Variants in FGF13 observed in about 807,000 individuals in gnomAD.
FGF13 encodes the protein fibroblast growth factor homologous factor 2.
FGF13 carries 2 observed loss-of-function variants against 19.5 expected under a neutral mutation model. The ratio of observed to expected loss-of-function variants is 0.10; its 90% CI spans 0.04 to 0.32. The LOEUF (loss-of-function observed/expected upper bound fraction) is 0.32, where lower values mean the gene tolerates loss of function less well. FGF13 is among the 10% of genes least tolerant of loss of function. The probability of loss-of-function intolerance (pLI) is 1.00; values close to 1 mark genes in which losing one functional copy is unlikely to be tolerated. For missense variants in FGF13, 113 were observed against 192.7 expected (o/e 0.59, Z 2.45); for synonymous variants, 72 against 76.9 (o/e 0.94, Z 0.33).
intron 1 of FGF13, among the ~76,000 whole-genome samples, chrX:139,061,949 CTTA>C (rs35979757): frequency 0.15 from 16,463 of 110,547 alleles, 1,048 homozygotes; most frequent in African/African-American, 0.24. Flanking sequence ...CTCTGAGCTC[CTTA>C]TATATTTTGA....
intron 4 of FGF13, among the ~76,000 whole-genome samples, chrX:138,635,014 T>A (rs760055235): frequency 7.2e-5 from 8 of 110,425 alleles, no homozygotes; most frequent in Non-Finnish European, 1.3e-4. Flanking sequence ...AATCAACGAG[T>A]GGATAAAAAA....
intron 3 of FGF13, among the ~76,000 whole-genome samples, chrX:138,831,792 T>C (rs904671146): frequency 9.0e-6 from 1 of 111,301 alleles, no homozygotes; most frequent in African/African-American, 3.3e-5. Flanking sequence ...CTAAGCCAAG[T>C]ACCCATTAGT....
chrX:139,107,937 T>G (rs2083571502), intron 1 of FGF13, among the ~76,000 whole-genome samples: 1 of 111,210 alleles, frequency 9.0e-6, no homozygotes, highest in South Asian at 3.8e-4. Flanking sequence ...ACTCCCTAGC[T>G]GTCCATATCA....
intron 3 of FGF13, among the ~76,000 whole-genome samples, chrX:138,684,913 A>C (rs2089764134): frequency 8.9e-6 from 1 of 111,912 alleles, no homozygotes. Flanking sequence ...AAACAATTCA[A>C]GAAAGGGAAT....
intron 1 of FGF13, among the ~76,000 whole-genome samples, chrX:138,971,416 A>G (rs1005224741): frequency 1.3e-3 from 145 of 112,286 alleles, no homozygotes; most frequent in African/African-American, 4.6e-3. Flanking sequence ...AATTGCACAT[A>G]TTTATGTAAA....
chrX:139,014,036 A>C (rs1002339332), intron 1 of FGF13, among the ~76,000 whole-genome samples: 1 of 111,393 alleles, frequency 9.0e-6, no homozygotes, highest in Non-Finnish European at 1.9e-5. Context: ...ATTAAGAAAA[A>C]ATTTAGAAAA....
chrX:139,039,482 G>T (rs774696238), intron 1 of FGF13, among the ~76,000 whole-genome samples: 1 of 111,713 alleles, frequency 9.0e-6, no homozygotes, highest in South Asian at 3.8e-4. Flanking sequence ...TTGTTCTTGG[G>T]AACAACAGCA....
At chrX:139,176,514 G>A (rs775716294) in intron 1 of FGF13, among the ~76,000 whole-genome samples, 4 of 109,770 alleles carry the variant, frequency 3.6e-5, no homozygotes, top group African/African-American at 1.3e-4. Context: ...ATGTTAGGGT[G>A]TCTATTTTAG....
At chrX:138,802,988 C>T (rs746594684) in intron 3 of FGF13, among the ~76,000 whole-genome samples, 2 of 111,491 alleles carry the variant, frequency 1.8e-5, no homozygotes, top group Non-Finnish European at 3.8e-5. Context: ...ATTAAGGAAC[C>T]AAGACTTGAA....
At chrX:139,079,018 T>C (rs2083351646) in intron 1 of FGF13, among the ~76,000 whole-genome samples, 1 of 112,621 alleles carries the variant, frequency 8.9e-6, no homozygotes, top group East Asian at 2.8e-4. Flanking sequence ...ATGTAGTAGC[T>C]GAATTCAAGC....
intron 3 of FGF13, among the ~76,000 whole-genome samples, chrX:138,747,931 G>C (rs762093705): frequency 6.3e-5 from 7 of 110,931 alleles, no homozygotes; most frequent in Non-Finnish European, 1.1e-4. Flanking sequence ...GACCTGGAGA[G>C]AATGGAGCTT....
chrX:139,065,763 C>T (rs757864629), intron 1 of FGF13, among the ~76,000 whole-genome samples: 13 of 111,054 alleles, frequency 1.2e-4, no homozygotes, highest in South Asian at 3.8e-4. Context: ...GACAGATCAA[C>T]GAGACAGAAA....
In FGF13 at chrX:138,632,832, T is replaced by G; in HGVS notation, c.*18A>C. Reference sequence around the variant, plus strand: ...GAGGTAAGGTTCTGTTACAGAGCCCTTCTTTTGCCCTCACTGGCTACGTTG... The same window carrying G: ...GAGGTAAGGTTCTGTTACAGAGCCCGTCTTTTGCCCTCACTGGCTACGTTG... On this transcript the variant is annotated 3_prime_UTR_variant, in exon 5 of 5. Coordinates refer to ENST00000315930, the MANE Select transcript of FGF13 (RefSeq NM_004114.5). The G allele has an allele frequency of 8.3e-7, 1 of 1,203,114 alleles. No homozygotes were observed. Among genetic ancestry groups the G allele is most frequent in the Non-Finnish European group, 1.1e-6 (1 of 889,627 alleles).
chrX:139,164,372 T>C (rs1040926092), intron 1 of FGF13, among the ~76,000 whole-genome samples: 3 of 111,141 alleles, frequency 2.7e-5, no homozygotes, highest in Non-Finnish European at 5.7e-5. Context: ...TCTTAAGGTC[T>C]ACTGATTTAA....
intron 1 of FGF13, among the ~76,000 whole-genome samples, chrX:138,885,833 A>C (rs1215121028): frequency 9.1e-6 from 1 of 110,227 alleles, no homozygotes; most frequent in Non-Finnish European, 1.9e-5. Flanking sequence ...TGTTCATTAA[A>C]TATGTGTTAA....
At chrX:138,790,061 A>C (rs1415701019) in intron 3 of FGF13, among the ~76,000 whole-genome samples, 3 of 97,683 alleles carry the variant, frequency 3.1e-5, no homozygotes, top group Non-Finnish European at 6.2e-5. Context: ...AAAAAAAAAA[A>C]AAAAAAAAAC....
chrX:138,748,187 T>A (rs1483264006), intron 3 of FGF13, among the ~76,000 whole-genome samples: 1 of 112,049 alleles, frequency 8.9e-6, no homozygotes, highest in Non-Finnish European at 1.9e-5. Flanking sequence ...TTGTTTCATA[T>A]AATTGCACAA....
chrX:139,028,708 TGAGAGAGA>T (rs34899745), intron 1 of FGF13, among the ~76,000 whole-genome samples: 1 of 60,389 alleles, frequency 1.7e-5, no homozygotes, highest in Admixed American at 1.9e-4. Flanking sequence ...TGTGTGTGTG[TGAGAGAGA>T]GAGAGAGCGT....
At chrX:138,780,479 G>A (rs2090629842) in intron 3 of FGF13, among the ~76,000 whole-genome samples, 1 of 89,254 alleles carries the variant, frequency 1.1e-5, no homozygotes, top group African/African-American at 4.6e-5. Context: ...GATCTACCAA[G>A]CAAATGGAAA....
Sources: gnomAD v4.1 joint callset for allele counts (sites outside exome capture counted in the v4.1 genomes callset) on GRCh38, gnomAD v4.1.1 for gene constraint, MANE v1.5 for transcripts, NCBI Gene and HGNC (gene_info 2026-07-23, HGNC 2026-07-21) for gene names.